PLCL1: variants seen among roughly 807,000 people sequenced by gnomAD.
PLCL1 encodes the protein phospholipase C like 1 (inactive).
Under a neutral mutation model 84.4 loss-of-function variants are expected in PLCL1, and 41 were observed. The ratio of observed to expected loss-of-function variants is 0.49; its 90% confidence interval spans 0.38 to 0.63. PLCL1 has a LOEUF of 0.63. Among genes scored for constraint, PLCL1 ranks in the 30% least tolerant of loss-of-function variants. PLCL1 has a pLI of 0.00. For synonymous variants in PLCL1, 490 were observed against 488.3 expected, an observed-to-expected ratio of 1.00 and a Z score of -0.05; for missense variants, 1,206 against 1,367.8, an observed-to-expected ratio of 0.88 and a Z score of 1.87.
At chr2:197,862,078 T>C (rs929875467) in intron 1 of PLCL1, among the ~76,000 whole-genome samples, 1 of 152,120 alleles carries the variant, frequency 6.6e-6, no homozygotes, top group Non-Finnish European at 1.5e-5. Context: ...TGTCTCCTTA[T>C]TGAGTAATTA....
chr2:198,109,753 C>T (rs889163383), intron 5 of PLCL1, among the ~76,000 whole-genome samples: 1 of 151,736 alleles, frequency 6.6e-6, no homozygotes, highest in Non-Finnish European at 1.5e-5. Flanking sequence ...ATCTATAAAA[C>T]TGAAATTAGA....
At chr2:197,929,371 C>T (rs776045703) in intron 1 of PLCL1, among the ~76,000 whole-genome samples, 1 of 152,206 alleles carries the variant, frequency 6.6e-6, no homozygotes, top group Admixed American at 6.5e-5. Flanking sequence ...AGGCAGCATG[C>T]TCCTTAACTG....
At chr2:198,060,823 G>T (rs1411671942) in intron 1 of PLCL1, among the ~76,000 whole-genome samples, 3 of 152,056 alleles carry the variant, frequency 2.0e-5, no homozygotes, top group Non-Finnish European at 4.4e-5. Flanking sequence ...CCCTTGAGGT[G>T]ACTTGAAAAA....
chr2:197,953,178 C>T (rs1196667079), intron 1 of PLCL1, among the ~76,000 whole-genome samples: 3 of 152,000 alleles, frequency 2.0e-5, no homozygotes, highest in Admixed American at 6.6e-5. Flanking sequence ...ATGACTAATG[C>T]GGAGATGTAA....
chr2:197,963,500 G>A lies in PLCL1; in HGVS notation c.241-120258G>A, dbSNP rs192691934. Among the ~76,000 whole-genome samples, 119 of 152,110 alleles carry A rather than the reference G, an allele frequency of 7.8e-4. 1 individual carries two copies. The highest frequency in any genetic ancestry group is 3.4e-3 in the Middle Eastern group (1 of 294). ...CTGGTTATTAATCCCTTGTTAGATG[G>A]ACAGTTTGTGAATATTTTCTCCCCA... On this transcript the variant is annotated intron_variant, in intron 1 of 5. Transcript: ENST00000428675.
intron 1 of PLCL1, among the ~76,000 whole-genome samples, chr2:197,865,264 A>G (rs1420757918): frequency 6.6e-6 from 1 of 152,186 alleles, no homozygotes; most frequent in Non-Finnish European, 1.5e-5. Context: ...TAGGTCAGAT[A>G]GTTTATAATG....
rs1694585154 is a variant in PLCL1, at chr2:198,148,841, A to G, written c.*1879A>G. ...GTGGGAAGAGGAGATAAAGGATGAC[A>G]AACTCTCAAACAATATTTATACATT... On this transcript the variant is annotated 3_prime_UTR_variant, in exon 6 of 6. Coordinates refer to ENST00000428675, the MANE Select transcript of PLCL1 (RefSeq NM_006226.4). The G allele has an allele frequency of 6.6e-6, 1 of 151,290 alleles. No homozygotes were observed. Among genetic ancestry groups the G allele is most frequent in the South Asian group, 2.1e-4 (1 of 4,832 alleles). The allele number at this position is 151,290 out of a possible 1,614,324, so 9.4% of individuals were successfully genotyped here. A position where few individuals can be genotyped will look rare whatever the true frequency, so the allele number is the denominator to read the frequency against.
At position 197,922,946 on chromosome 2, in the gene PLCL1, C is replaced by T. The variant is rs1392853491; in HGVS notation, c.240+117607C>T. Among the ~76,000 whole-genome samples, 276 of 116,518 alleles carry T rather than the reference C, an allele frequency of 2.4e-3. 4 individuals carry two copies. The highest frequency in any genetic ancestry group is 7.0e-3 in the African/African-American group (213 of 30,230). The allele number at this position is 116,518 out of a possible 152,430, so 76.4% of individuals were successfully genotyped here. A position where few individuals can be genotyped will look rare whatever the true frequency, so the allele number is the denominator to read the frequency against. On this transcript the variant is annotated intron_variant, in intron 1 of 5. Transcript: ENST00000428675. ...CTCCCAGATGGGGCGGCTGGCCGGG[C>T]GGGGGGCTGACCCCCCCACCTCCCT... is the stretch of plus-strand genomic sequence containing the variant.
At chr2:197,902,654 T>C (rs1291735191) in intron 1 of PLCL1, among the ~76,000 whole-genome samples, 1 of 152,234 alleles carries the variant, frequency 6.6e-6, no homozygotes, top group Non-Finnish European at 1.5e-5. Context: ...AACTTACCAC[T>C]CTTGGCATTT....
At chr2:198,134,874 A>G (rs1574337474) in intron 5 of PLCL1, among the ~76,000 whole-genome samples, 1 of 152,178 alleles carries the variant, frequency 6.6e-6, no homozygotes, top group Admixed American at 6.5e-5. Context: ...AGTTCACTCT[A>G]TGGTATACTG....
chr2:198,066,188 A>G (rs1164379616), intron 1 of PLCL1, among the ~76,000 whole-genome samples: 1 of 152,164 alleles, frequency 6.6e-6, no homozygotes. Context: ...TTCTTTCCTT[A>G]AGTTATCTCA....
intron 1 of PLCL1, among the ~76,000 whole-genome samples, chr2:197,811,327 T>C (rs1048747703): frequency 4.6e-5 from 7 of 152,234 alleles, no homozygotes; most frequent in South Asian, 4.1e-4. Flanking sequence ...TGACGAAGTA[T>C]TGGAATAGTC....
chr2:197,996,753 T>C (rs1690476179), intron 1 of PLCL1, among the ~76,000 whole-genome samples: 1 of 152,098 alleles, frequency 6.6e-6, no homozygotes, highest in African/African-American at 2.4e-5. Flanking sequence ...AGAGAAATAA[T>C]CAGCTGAACA....
At chr2:197,864,034 T>C (rs1168457138) in intron 1 of PLCL1, among the ~76,000 whole-genome samples, 1 of 152,196 alleles carries the variant, frequency 6.6e-6, no homozygotes, top group Admixed American at 6.5e-5. Context: ...GAGGAATAAT[T>C]AATTTTTTGA....
At chr2:198,144,512 C>T (rs1342211946) in intron 5 of PLCL1, among the ~76,000 whole-genome samples, 2 of 152,008 alleles carry the variant, frequency 1.3e-5, no homozygotes, top group Non-Finnish European at 2.9e-5. Flanking sequence ...ATAATGTTAA[C>T]CACTTTCTAA....
At chr2:197,898,201 C>G (rs1030656544) in intron 1 of PLCL1, among the ~76,000 whole-genome samples, 1 of 152,108 alleles carries the variant, frequency 6.6e-6, no homozygotes. Context: ...GTAGTTAGTT[C>G]AAATTTCAGG....
intron 3 of PLCL1, among the ~76,000 whole-genome samples, chr2:198,098,694 A>T (rs1035328738): frequency 2.0e-5 from 3 of 152,184 alleles, no homozygotes. Flanking sequence ...AAGATTTTTG[A>T]GTCCTAATAT....
At chr2:197,826,199 A>G (rs1237709948) in intron 1 of PLCL1, among the ~76,000 whole-genome samples, 1 of 152,198 alleles carries the variant, frequency 6.6e-6, no homozygotes, top group Non-Finnish European at 1.5e-5. Context: ...CCCATCTGCT[A>G]TCTTGAGATA....
intron 5 of PLCL1, 125 bp from the exon 6 acceptor site, chr2:198,146,655 T>C: frequency 1.4e-6 from 1 of 708,188 alleles, no homozygotes; most frequent in Admixed American, 3.1e-5. Context: ...CCTGGAAAAG[T>C]GAGCTTGCAG....
Sources: allele counts gnomAD v4.1 joint callset (sites outside exome capture counted in the v4.1 genomes callset), GRCh38; gene constraint gnomAD v4.1.1; transcripts MANE v1.5; gene names NCBI Gene and HGNC (gene_info 2026-07-23, HGNC 2026-07-21).